Variants in NRXN3 observed in about 807,000 individuals in gnomAD.
The protein encoded by NRXN3 is neurexin III.
NRXN3 carries 32 observed loss-of-function variants against 137.6 expected under a neutral mutation model. The ratio of observed to expected loss-of-function variants is 0.23; its 90% CI spans 0.18 to 0.31. The LOEUF (loss-of-function observed/expected upper bound fraction) is 0.31. Ranked by LOEUF, NRXN3 falls within the 10% of genes least tolerant of loss-of-function variation. The probability of loss-of-function intolerance (pLI) is 1.00; values close to 1 mark genes in which losing one functional copy is unlikely to be tolerated. For missense variants in NRXN3, 1,574 were observed against 2,062.5 expected, an observed-to-expected ratio of 0.76 and a Z score of 4.59; for synonymous variants, 798 against 784.5, an observed-to-expected ratio of 1.02 and a Z score of -0.29.
At chr14:79,151,066 T>G (rs1306836079) in intron 15 of NRXN3, among the ~76,000 whole-genome samples, 1 of 152,034 alleles carries the variant, frequency 6.6e-6, no homozygotes, top group Non-Finnish European at 1.5e-5. Flanking sequence ...GAATTTTAGG[T>G]CTTGATACTA....
intron 5 of NRXN3, among the ~76,000 whole-genome samples, chr14:78,650,314 T>C (rs1218465137): frequency 6.6e-6 from 1 of 152,152 alleles, no homozygotes; most frequent in African/African-American, 2.4e-5. Context: ...CATGGGTGTA[T>C]CGGTGTATGG....
At chr14:78,214,680 T>C (rs1445342861) in intron 1 of NRXN3, among the ~76,000 whole-genome samples, 1 of 152,230 alleles carries the variant, frequency 6.6e-6, no homozygotes, top group Non-Finnish European at 1.5e-5. Flanking sequence ...CGAGGCACAC[T>C]ACTCCAGAGG....
At chr14:78,697,383 A>G (rs972062170) in intron 6 of NRXN3, among the ~76,000 whole-genome samples, 2 of 152,072 alleles carry the variant, frequency 1.3e-5, no homozygotes, top group African/African-American at 4.8e-5. Flanking sequence ...ATAATAAAAG[A>G]CTATTGAAAT....
chr14:79,001,670 G>A (rs1459538838), intron 15 of NRXN3, among the ~76,000 whole-genome samples: 3 of 152,138 alleles, frequency 2.0e-5, no homozygotes, highest in African/African-American at 7.2e-5. Flanking sequence ...AAATCCCACT[G>A]CATTTATATT....
chr14:78,986,473 G>T (rs1170777158), intron 14 of NRXN3, among the ~76,000 whole-genome samples: 1 of 152,100 alleles, frequency 6.6e-6, no homozygotes, highest in East Asian at 1.9e-4. Flanking sequence ...ATGGCAATCT[G>T]TAAGAGAGAG....
intron 4 of NRXN3, among the ~76,000 whole-genome samples, chr14:78,308,257 G>A (rs2077576184): frequency 6.6e-6 from 1 of 152,134 alleles, no homozygotes; most frequent in African/African-American, 2.4e-5. Context: ...AAGAACAGCT[G>A]CCTTTTAAAT....
chr14:78,358,057 A>G (rs1189798866), intron 4 of NRXN3, among the ~76,000 whole-genome samples: 1 of 152,204 alleles, frequency 6.6e-6, no homozygotes, highest in Non-Finnish European at 1.5e-5. Flanking sequence ...TATAGGACAG[A>G]AAACATGAGT....
At chr14:79,221,737 G>A (rs2069738637) in intron 15 of NRXN3, among the ~76,000 whole-genome samples, 1 of 152,124 alleles carries the variant, frequency 6.6e-6, no homozygotes, top group Non-Finnish European at 1.5e-5. Context: ...CTTTTCCTGT[G>A]CAGAAGCTCT....
At chr14:79,853,768 A>G (rs2099396751) in intron 20 of NRXN3, 1 of 1,036,186 alleles carries the variant, frequency 9.7e-7, no homozygotes, top group African/African-American at 1.7e-5. Flanking sequence ...TTTGTCAAAA[A>G]GACAAAAAAA....
chr14:79,374,126 G>T (rs1360199134), intron 15 of NRXN3, among the ~76,000 whole-genome samples: 1 of 152,088 alleles, frequency 6.6e-6, no homozygotes, highest in Non-Finnish European at 1.5e-5. Flanking sequence ...AAAGTAAAGT[G>T]AATTTTTTTG....
chr14:78,240,612 G>C (rs1352258447), intron 1 of NRXN3, among the ~76,000 whole-genome samples: 2 of 152,188 alleles, frequency 1.3e-5, no homozygotes, highest in African/African-American at 4.8e-5. Flanking sequence ...TTTCTCATTT[G>C]TCAGCTCTGG....
intron 19 of NRXN3, among the ~76,000 whole-genome samples, chr14:79,763,758 C>T (rs558951723): frequency 6.6e-6 from 1 of 151,584 alleles, no homozygotes; most frequent in Admixed American, 6.5e-5. Context: ...ATTAATCCCA[C>T]TTATGAGGTC....
chr14:78,315,993 G>A (rs562117741), intron 4 of NRXN3, among the ~76,000 whole-genome samples: 2 of 152,246 alleles, frequency 1.3e-5, no homozygotes, highest in South Asian at 2.1e-4. Context: ...TTCCTGTAAA[G>A]CTGTGCTTTT....
intron 6 of NRXN3, among the ~76,000 whole-genome samples, chr14:78,671,756 C>G (rs982069909): frequency 6.6e-6 from 1 of 152,126 alleles, no homozygotes; most frequent in Non-Finnish European, 1.5e-5. Flanking sequence ...GTTTGATTGG[C>G]TCACCATCTA....
chr14:78,825,446 C>T (rs1007789503), intron 10 of NRXN3, among the ~76,000 whole-genome samples: 4 of 152,162 alleles, frequency 2.6e-5, no homozygotes, highest in South Asian at 2.1e-4. Context: ...TTTTCCAAGC[C>T]GTCATTATTA....
chr14:78,536,932 G>T (rs2096541712), intron 4 of NRXN3, among the ~76,000 whole-genome samples: 1 of 152,138 alleles, frequency 6.6e-6, no homozygotes, highest in African/African-American at 2.4e-5. Context: ...CAAAGGACAT[G>T]AACTCATCCT....
intron 15 of NRXN3, among the ~76,000 whole-genome samples, chr14:79,373,168 T>A (rs1376184217): frequency 6.6e-6 from 1 of 152,176 alleles, no homozygotes; most frequent in Non-Finnish European, 1.5e-5. Flanking sequence ...TACACTCTTT[T>A]AAATATAGTT....
intron 4 of NRXN3, among the ~76,000 whole-genome samples, chr14:78,615,566 G>A (rs1055295006): frequency 3.9e-5 from 6 of 152,058 alleles, no homozygotes; most frequent in East Asian, 3.9e-4. Context: ...AGCTGAGATC[G>A]CACCACTGCA....
chr14:79,437,884 A>G (rs2153564022), intron 15 of NRXN3, among the ~76,000 whole-genome samples: 1 of 152,338 alleles, frequency 6.6e-6, no homozygotes, highest in Non-Finnish European at 1.5e-5. Flanking sequence ...TTACATTTAA[A>G]TGTTCTAAAT....
Sources: gnomAD v4.1 joint callset for allele counts (sites outside exome capture counted in the v4.1 genomes callset) on GRCh38, gnomAD v4.1.1 for gene constraint, MANE v1.5 for transcripts, NCBI Gene and HGNC (gene_info 2026-07-23, HGNC 2026-07-21) for gene names.